The following TEKT5 variants were observed in gnomAD, a reference collection of about 807,000 sequenced individuals.
TEKT5 encodes the protein tektin-5.
In TEKT5, 52 loss-of-function variants were observed where a neutral mutation model predicts 48.7. The ratio of observed to expected loss-of-function variants is 1.07; its 90% confidence interval spans 0.86 to 1.35. The LOEUF (loss-of-function observed/expected upper bound fraction) is 1.35. Among genes scored for constraint, TEKT5 ranks in the 40% most tolerant of loss-of-function variants. The pLI is 0.00. For missense variants in TEKT5, 831 were observed against 641.6 expected (o/e 1.30, Z -3.19); for synonymous variants, 318 against 267.6 (o/e 1.19, Z -1.84).
intron 5 of TEKT5, among the ~76,000 whole-genome samples, chr16:10,662,460 C>T (rs1211456023): frequency 2.6e-5 from 4 of 152,160 alleles, no homozygotes; most frequent in East Asian, 1.9e-4. Context: ...TTCTGAGAGA[C>T]GGTTAACCAC....
chr16:10,682,278 C>G (rs1390705492), intron 3 of TEKT5, 142 bp from the exon 4 acceptor site: 1 of 833,806 alleles, frequency 1.2e-6, no homozygotes, highest in East Asian at 2.5e-5. Context: ...ACCTCCATGT[C>G]CCACCACATA....
chr16:10,689,797 A>G (rs1344519), intron 2 of TEKT5, 145 bp downstream of exon 2: 496,142 of 709,664 alleles, frequency 0.7, 175,818 homozygotes, highest in African/African-American at 0.85. Flanking sequence ...TGCAAACTAG[A>G]CCTCCACCCA....
chr16:10,658,660 C>T (rs1180936841), intron 5 of TEKT5, among the ~76,000 whole-genome samples: 1 of 152,046 alleles, frequency 6.6e-6, no homozygotes, highest in Non-Finnish European at 1.5e-5. Context: ...TGATCTGGAA[C>T]AGGGTTTCCC....
In TEKT5 at chr16:10,694,571, C is replaced by G; in HGVS notation, c.303G>C (p.Gln101His). The change falls in exon 1 of 7, where the codon CAG (glutamine) becomes CAC (histidine). Residue 101 changes from glutamine (Q) to histidine (H), a missense_variant. Physicochemically the swap from Gln to His is conservative, Grantham distance 24. Coordinates refer to ENST00000283025, the MANE Select transcript of TEKT5 (RefSeq NM_144674.2). Reference protein sequence around the residue: ...PHDWDQSNQLQVRGAEASRLW... With the variant: ...PHDWDQSNQLHVRGAEASRLW... ...GCCGGGAGGCCTCGGCCCCACGCAC[C>G]TGCAGCTGGTTGGACTGGTCCCAGT... 6.2e-7 allele frequency: 1 copy of G among 1,603,744 alleles called. No individual in the cohort carries two copies. The highest frequency in any genetic ancestry group is 8.5e-7 in the Non-Finnish European group (1 of 1,174,778).
intron 6 of TEKT5, among the ~76,000 whole-genome samples, chr16:10,635,108 T>C (rs1354525655): frequency 6.6e-6 from 1 of 152,074 alleles, no homozygotes; most frequent in African/African-American, 2.4e-5. Flanking sequence ...AGCACGTTCA[T>C]GGGAAATAAT....
At chr16:10,659,517 C>T (rs1898324406) in intron 5 of TEKT5, among the ~76,000 whole-genome samples, 2 of 152,054 alleles carry the variant, frequency 1.3e-5, no homozygotes, top group East Asian at 1.9e-4. Context: ...GTAGCTGGGA[C>T]TACAGGTGCC....
chr16:10,676,805 G>T (rs994151364), intron 4 of TEKT5, among the ~76,000 whole-genome samples: 8 of 152,238 alleles, frequency 5.3e-5, no homozygotes, highest in Admixed American at 3.9e-4. Context: ...GGCAACATCC[G>T]TGTCCTCATG....
chr16:10,680,865 G>C (rs1382672520), intron 4 of TEKT5, among the ~76,000 whole-genome samples: 2 of 107,368 alleles, frequency 1.9e-5, no homozygotes, highest in Admixed American at 1.1e-4. Flanking sequence ...GTTGTGGGGT[G>C]GGGGGAGGGG....
intron 5 of TEKT5, among the ~76,000 whole-genome samples, chr16:10,640,094 C>CT (rs1567225342): frequency 0.02 from 1,331 of 65,030 alleles, 50 homozygotes; most frequent in African/African-American, 0.14. Flanking sequence ...TTCCTTCCTT[C>CT]CCTCTCCCCT....
At chr16:10,678,283 G>C (rs1008924464) in intron 4 of TEKT5, among the ~76,000 whole-genome samples, 1 of 152,068 alleles carries the variant, frequency 6.6e-6, no homozygotes, top group Non-Finnish European at 1.5e-5. Context: ...ATTTTTTGTA[G>C]AGACGGGGTT....
intron 5 of TEKT5, among the ~76,000 whole-genome samples, chr16:10,646,993 GCAC>G (rs1898079664): frequency 6.6e-6 from 1 of 152,138 alleles, no homozygotes; most frequent in Non-Finnish European, 1.5e-5. Flanking sequence ...CCCTTAGAAT[GCAC>G]CACTTCAGCC....
intron 5 of TEKT5, among the ~76,000 whole-genome samples, chr16:10,659,869 G>A (rs1007193663): frequency 1.3e-5 from 2 of 152,164 alleles, no homozygotes; most frequent in African/African-American, 4.8e-5. Context: ...AAATGGAACT[G>A]GGTAGAGGTG....
At chr16:10,674,254 T>C (rs1158233952) in intron 5 of TEKT5, among the ~76,000 whole-genome samples, 1 of 151,966 alleles carries the variant, frequency 6.6e-6, no homozygotes, top group Non-Finnish European at 1.5e-5. Context: ...GCTTCTCTGC[T>C]CCACCCAGTG....
intron 3 of TEKT5, among the ~76,000 whole-genome samples, chr16:10,683,449 G>C (rs903522435): frequency 6.6e-6 from 1 of 152,184 alleles, no homozygotes; most frequent in Non-Finnish European, 1.5e-5. Context: ...AAGCCAGGAG[G>C]GCTGGTTGGT....
intron 5 of TEKT5, among the ~76,000 whole-genome samples, chr16:10,652,794 A>ACACACACC (rs1567228424): frequency 2.0e-5 from 1 of 49,426 alleles, no homozygotes; most frequent in Admixed American, 2.0e-4. Context: ...ACACACACAC[A>ACACACACC]CCCTCCAGGC....
At chr16:10,641,458 G>A (rs999248731) in intron 5 of TEKT5, among the ~76,000 whole-genome samples, 2 of 152,104 alleles carry the variant, frequency 1.3e-5, no homozygotes, top group Admixed American at 6.5e-5. Context: ...ATACACTTAG[G>A]TGATTATAAG....
Position 10,642,845 on chromosome 16 carries a change from G to C in TEKT5, c.1087-6927C>G, listed in dbSNP as rs140404543. ...TACAGGCTGGGAAGGGGAAGGGAAA[G>C]GGTGGGGGATAGAGAGTGAGTTCTT... On this transcript the variant is annotated intron_variant, in intron 5 of 6. Transcript: ENST00000283025. 3.0e-3 allele frequency among the ~76,000 whole-genome samples: 455 copies of C among 152,260 alleles called. 1 individual carries two copies. The highest frequency in any genetic ancestry group is 0.01 in the African/African-American group (421 of 41,554).
chr16:10,675,872 C>G (rs1596414968), intron 5 of TEKT5, 87 bp downstream of exon 5: 1 of 1,379,452 alleles, frequency 7.2e-7, no homozygotes, highest in South Asian at 1.2e-5. Context: ...AGGGGCAGGG[C>G]CAGCTTGGCC....
chr16:10,683,765 G>GT (rs936480937), intron 3 of TEKT5, among the ~76,000 whole-genome samples: 5 of 152,048 alleles, frequency 3.3e-5, no homozygotes, highest in East Asian at 1.9e-4. Context: ...TGATTTTTGT[G>GT]TTTTTTTAGT....
Sources: gnomAD v4.1 joint callset for allele counts (sites outside exome capture counted in the v4.1 genomes callset) on GRCh38, gnomAD v4.1.1 for gene constraint, MANE v1.5 for transcripts, NCBI Gene and HGNC (gene_info 2026-07-23, HGNC 2026-07-21) for gene names.